PCDHA11: variants seen among roughly 807,000 people sequenced by gnomAD.
PCDHA11 encodes protocadherin alpha 11.
PCDHA11 carries 61 observed loss-of-function variants against 70.3 expected under a neutral mutation model. The observed-to-expected ratio is 0.87, with a 90% confidence interval of 0.71 to 1.07. The LOEUF (loss-of-function observed/expected upper bound fraction) is 1.07, where lower values mean the gene tolerates loss of function less well. PCDHA11 is among the 50% of genes least tolerant of loss of function. PCDHA11 has a pLI of 0.00. For synonymous variants in PCDHA11, 633 were observed against 555.1 expected (o/e 1.14, Z -1.97); for missense variants, 1,324 against 1,237.5 (o/e 1.07, Z -1.05).
At chr5:140,934,508 C>G (rs2089875994) in intron 1 of PCDHA11, among the ~76,000 whole-genome samples, 1 of 152,096 alleles carries the variant, frequency 6.6e-6, no homozygotes, top group African/African-American at 2.4e-5. Flanking sequence ...CCCAAAGGGT[C>G]CATAGACCAC....
At chr5:140,998,211 T>C (rs2097801578) in intron 3 of PCDHA11, among the ~76,000 whole-genome samples, 1 of 152,226 alleles carries the variant, frequency 6.6e-6, no homozygotes. Context: ...TTAATCTGTA[T>C]AACCACACCC....
intron 1 of PCDHA11, chr5:140,882,939 G>T: frequency 2.5e-6 from 4 of 1,614,164 alleles, no homozygotes; most frequent in Non-Finnish European, 3.4e-6. Context: ...GAGCTGACTG[G>T]CACAGTTCAG....
chr5:141,010,226 C>G lies in PCDHA11; in HGVS notation c.*289C>G, dbSNP rs1386050566. The G allele has an allele frequency of 1.3e-6, 2 of 1,551,706 alleles. No individual in the cohort carries two copies. Among genetic ancestry groups the G allele is most frequent in the Non-Finnish European group, 1.7e-6 (2 of 1,147,032 alleles). ...CGCCGCAAAGGAGAGGCTTCCCAGC[C>G]CCGCCAGTGAGAGGTTGGACTCTCT... On this transcript the variant is annotated 3_prime_UTR_variant, in exon 4 of 4. Coordinates refer to ENST00000398640, the MANE Select transcript of PCDHA11 (RefSeq NM_018902.5).
chr5:140,887,387 C>T (rs959255749), intron 1 of PCDHA11, among the ~76,000 whole-genome samples: 8 of 152,106 alleles, frequency 5.3e-5, no homozygotes, highest in Non-Finnish European at 1.5e-5. Context: ...TGAGCCACCG[C>T]GCCCGGCTCT....
chr5:140,999,332 T>TTATAA (rs1554256746), intron 3 of PCDHA11, among the ~76,000 whole-genome samples: 1 of 152,222 alleles, frequency 6.6e-6, no homozygotes, highest in Non-Finnish European at 1.5e-5. Flanking sequence ...TCTGTGTGAT[T>TTATAA]TATAAGCCTT....
intron 1 of PCDHA11, chr5:140,884,365 CT>C (rs1264541175): frequency 6.2e-7 from 1 of 1,613,846 alleles, no homozygotes; most frequent in Non-Finnish European, 8.5e-7. Context: ...TCAATGTTTA[CT>C]TGATCATTGC....
chr5:140,959,057 G>A (rs1437392976), intron 1 of PCDHA11, among the ~76,000 whole-genome samples: 1 of 152,092 alleles, frequency 6.6e-6, no homozygotes, highest in Non-Finnish European at 1.5e-5. Context: ...AAAAAATGCA[G>A]TATATATAGA....
intron 1 of PCDHA11, among the ~76,000 whole-genome samples, chr5:140,945,682 G>GT (rs1325077083): frequency 6.6e-6 from 1 of 152,010 alleles, no homozygotes; most frequent in African/African-American, 2.4e-5. Context: ...AATCCACACA[G>GT]TTACTGTCCA....
At chr5:140,989,319 A>G (rs1291622013) in intron 3 of PCDHA11, among the ~76,000 whole-genome samples, 1 of 152,138 alleles carries the variant, frequency 6.6e-6, no homozygotes, top group Admixed American at 6.5e-5. Context: ...GGGTCTCACC[A>G]ACTTTGCCAC....
intron 1 of PCDHA11, among the ~76,000 whole-genome samples, chr5:140,957,373 T>C (rs906109440): frequency 6.6e-5 from 10 of 152,310 alleles, no homozygotes; most frequent in African/African-American, 2.2e-4. Context: ...ACTTTTATTA[T>C]AGTGTATTGT....
chr5:140,979,020 C>T lies in PCDHA11; in HGVS notation c.2450+13C>T. The T allele has an allele frequency of 6.2e-7, 1 of 1,613,708 alleles. No individual in the cohort carries two copies. Among genetic ancestry groups the T allele is most frequent in the Non-Finnish European group, 8.5e-7 (1 of 1,179,840 alleles). On this transcript the variant is annotated intron_variant, in intron 2 of 3. Transcript: ENST00000398640. ...CAGGCATGCACAGGTATGTATTTCC[C>T]TCCTCATTCACTCAGAAGTAACCTT...
chr5:140,870,019 A>C lies in PCDHA11; in HGVS notation c.916A>C (p.Thr306Pro), dbSNP rs371365026. ...TAATGGAGAAGTGAGGGTCAATGGA[A>C]CTTTAGATTATGAAGAAAACAAGTT... is the stretch of plus-strand genomic sequence containing the variant. ...QNNGEVRVNG[T>P]LDYEENKFYK... Residue 306 changes from threonine (T) to proline (P), a missense_variant, in exon 1 of 4, where the codon ACT (threonine) becomes CCT (proline). Physicochemically the swap from Thr to Pro is conservative, Grantham distance 38 (BLOSUM62 -1). Coordinates refer to ENST00000398640, the MANE Select transcript of PCDHA11 (RefSeq NM_018902.5). 6 of 1,613,574 alleles carry C rather than the reference A, an allele frequency of 3.7e-6. No homozygotes were observed. Among genetic ancestry groups the C allele is most frequent in the Non-Finnish European group, 5.1e-6 (6 of 1,179,868 alleles).
chr5:140,990,280 G>C (rs1224210562), intron 3 of PCDHA11, among the ~76,000 whole-genome samples: 1 of 152,264 alleles, frequency 6.6e-6, no homozygotes, highest in African/African-American at 2.4e-5. Context: ...CCCGGGTCTT[G>C]AGATTATCGA....
chr5:140,899,904 C>A (rs1554188779), intron 1 of PCDHA11, among the ~76,000 whole-genome samples: 1 of 151,986 alleles, frequency 6.6e-6, no homozygotes, highest in African/African-American at 2.4e-5. Flanking sequence ...ACATCCTGGG[C>A]TCAAGCAATC....
intron 3 of PCDHA11, among the ~76,000 whole-genome samples, chr5:141,007,858 G>A (rs376865557): frequency 6.6e-6 from 1 of 152,116 alleles, no homozygotes; most frequent in African/African-American, 2.4e-5. Context: ...GTCCTTAAAG[G>A]TCTTTTCCTT....
intron 1 of PCDHA11, among the ~76,000 whole-genome samples, chr5:140,944,359 T>C (rs1248806355): frequency 6.6e-6 from 1 of 152,092 alleles, no homozygotes; most frequent in African/African-American, 2.4e-5. Context: ...GGCTAATTTT[T>C]AATTTTTTAT....
At position 140,876,499 on chromosome 5, in the gene PCDHA11, G is replaced by A. The variant is rs781995151; in HGVS notation, c.2391+5005G>A. ...CATGGTCCTGGTGGAAGTTCTGGAC[G>A]TGAATGACAATGTCCCTGAAGTAAT... On this transcript the variant is annotated intron_variant, in intron 1 of 3. Transcript: ENST00000398640. 5.0e-6 allele frequency: 8 copies of A among 1,613,910 alleles called. No homozygotes were observed. The Admixed American group carries it at 1.0e-4, about 20-fold the overall frequency.
rs782661485 is a variant in PCDHA11 at position 140,870,775 on chromosome 5, A to G, written c.1672A>G (p.Asn558Asp). The G allele has an allele frequency of 1.9e-6, 3 of 1,613,592 alleles. No individual in the cohort carries two copies. The highest frequency in any genetic ancestry group is 1.7e-6 in the Non-Finnish European group (2 of 1,179,886). Residue 558 changes from asparagine (N) to aspartate (D), a missense_variant, in exon 1 of 4, where the codon AAC (asparagine) becomes GAC (aspartate). By Grantham distance (23) the Asn-to-Asp change is conservative. Coordinates refer to ENST00000398640, the MANE Select transcript of PCDHA11 (RefSeq NM_018902.5). ...VTLQVFVLDE[N>D]DNAPALLATQ... ...GCTGCAGGTGTTCGTGCTGGACGAGAACGACAACGCGCCGGCACTGCTGGC... is the reference window on the plus strand; with the variant it reads ...GCTGCAGGTGTTCGTGCTGGACGAGGACGACAACGCGCCGGCACTGCTGGC...
At chr5:140,960,444 T>C in intron 1 of PCDHA11, among the ~76,000 whole-genome samples, 1 of 152,022 alleles carries the variant, frequency 6.6e-6, no homozygotes, top group Non-Finnish European at 1.5e-5. Context: ...TAGATATATG[T>C]ATGGATAATT....
Sources: gnomAD v4.1 joint callset for allele counts (sites outside exome capture counted in the v4.1 genomes callset) on GRCh38, gnomAD v4.1.1 for gene constraint, MANE v1.5 for transcripts, NCBI Gene and HGNC (gene_info 2026-07-23, HGNC 2026-07-21) for gene names.